The following PCDHGA9 variants were observed in gnomAD, a reference collection of about 807,000 sequenced individuals.
PCDHGA9 encodes the protein protocadherin gamma subfamily A, 9, also known as protocadherin gamma-A9.
In PCDHGA9, 37 loss-of-function variants were observed where a neutral mutation model predicts 62.5. The observed-to-expected ratio is 0.59, with a 90% CI of 0.46 to 0.78. PCDHGA9 has a LOEUF of 0.78. Among genes scored for constraint, PCDHGA9 ranks in the 30% least tolerant of loss-of-function variants. PCDHGA9 has a pLI of 0.00. For synonymous variants in PCDHGA9, 459 were observed against 484.6 expected, an observed-to-expected ratio of 0.95 and a Z score of 0.69; for missense variants, 1,138 against 1,166.2, an observed-to-expected ratio of 0.98 and a Z score of 0.35.
intron 1 of PCDHGA9, among the ~76,000 whole-genome samples, chr5:141,483,907 C>T (rs545585133): frequency 6.0e-5 from 9 of 151,124 alleles, no homozygotes; most frequent in Non-Finnish European, 1.0e-4. Flanking sequence ...TGGTGTGTTT[C>T]CCACTCAGAT....
intron 1 of PCDHGA9, among the ~76,000 whole-genome samples, chr5:141,474,089 CAAACAACAACAA>C (rs985204397): frequency 3.3e-5 from 5 of 152,116 alleles, no homozygotes; most frequent in Admixed American, 2.0e-4. Flanking sequence ...AACCAAAAAA[CAAACAACAACAA>C]AAACAACAAC....
At chr5:141,423,008 C>A in intron 1 of PCDHGA9, 13 of 1,614,214 alleles carry the variant, frequency 8.1e-6, no homozygotes, top group Non-Finnish European at 1.1e-5. Flanking sequence ...AAGGTGGTTG[C>A]GGTGGACAAA....
chr5:141,422,795 A>G lies in PCDHGA9; in HGVS notation c.2424+17419A>G, dbSNP rs543001807. ...CTCTATGCCCTACAATCCTTCGACTATGAGCAGTTTCGAGACTTAGAACTG... is the reference window on the plus strand; with the variant it reads ...CTCTATGCCCTACAATCCTTCGACTGTGAGCAGTTTCGAGACTTAGAACTG... On this transcript the variant is annotated intron_variant, in intron 1 of 3. Transcript: ENST00000573521. 14 of 1,614,198 alleles carry G rather than the reference A, an allele frequency of 8.7e-6. No homozygotes were observed. In the East Asian group the frequency reaches 1.8e-4, roughly 21 times the overall value.
At position 141,491,502 on chromosome 5, in the gene PCDHGA9, C is replaced by G. The variant is rs751961360; in HGVS notation, c.2425-3305C>G. 1.4e-5 allele frequency: 23 copies of G among 1,614,080 alleles called. No homozygotes were observed. Among genetic ancestry groups the G allele is most frequent in the Non-Finnish European group, 1.8e-5 (21 of 1,180,006 alleles). ...GCCCCAACCTGCAGGTGAGCTCGGA[C>G]GGCACGCTCAAGTACATGGAGGTGA... On this transcript the variant is annotated intron_variant, in intron 1 of 3. Coordinates refer to ENST00000573521, the MANE Select transcript of PCDHGA9 (RefSeq NM_018921.3). This position sits in a 1 kb window ranked among gnomAD's most constrained non-coding sequence, Gnocchi z 6.9.
intron 1 of PCDHGA9, chr5:141,412,862 T>A (rs957973834): frequency 7.5e-5 from 18 of 241,156 alleles, no homozygotes; most frequent in African/African-American, 3.4e-4. Context: ...AAAGAATCTA[T>A]GTAAAATATA....
intron 2 of PCDHGA9, among the ~76,000 whole-genome samples, chr5:141,501,290 TACACACACACACACACACACACAC>T (rs55762287): frequency 7.3e-6 from 1 of 136,162 alleles, no homozygotes; most frequent in African/African-American, 2.7e-5. Flanking sequence ...TATTCCCTTA[TACACACACACACACACACACACAC>T]ACACACACAC....
chr5:141,427,319 G>T (rs1184530487), intron 1 of PCDHGA9: 4 of 456,958 alleles, frequency 8.8e-6, no homozygotes, highest in African/African-American at 8.0e-5. Flanking sequence ...CCCCAGACGT[G>T]GTTTTTACTT....
At position 141,407,135 on chromosome 5, in the gene PCDHGA9, G is replaced by GA. The variant is rs796659459; in HGVS notation, c.2424+1767dup. The stretch of plus-strand genomic sequence containing the variant: ...TGGGTTTCAGTTGCTTTATTTTTAA[G>GA]AAAAAAAAGCTGAAGTGTCTGGGAA... On this transcript the variant is annotated intron_variant, in intron 1 of 3. Coordinates refer to ENST00000573521, the MANE Select transcript of PCDHGA9 (RefSeq NM_018921.3). 3.3e-5 allele frequency among the ~76,000 whole-genome samples: 5 copies of GA among 151,810 alleles called. No homozygotes were observed. In the South Asian group the frequency reaches 6.2e-4, roughly 19 times the overall value.
chr5:141,476,770 C>T lies in PCDHGA9; in HGVS notation c.2425-18037C>T, dbSNP rs1452363016. 6.2e-7 allele frequency: 1 copy of T among 1,613,568 alleles called. No homozygotes were observed. The highest frequency in any genetic ancestry group is 8.5e-7 in the Non-Finnish European group (1 of 1,180,020). ...TCCAGTTAGTGCTGACGGCGTTGGA[C>T]GGAGGGACCCCAGCTCTCTCCGCCA... On this transcript the variant is annotated intron_variant, in intron 1 of 3. Coordinates refer to ENST00000573521, the MANE Select transcript of PCDHGA9 (RefSeq NM_018921.3). This position sits in a 1 kb window ranked among gnomAD's most constrained non-coding sequence, Gnocchi z 7.6.
At chr5:141,458,028 G>A (rs1363025110) in intron 1 of PCDHGA9, among the ~76,000 whole-genome samples, 2 of 152,122 alleles carry the variant, frequency 1.3e-5, no homozygotes, top group African/African-American at 4.8e-5. Flanking sequence ...ATTGTGTTCT[G>A]TTGACAAAGA....
In PCDHGA9 at chr5:141,403,715, G is replaced by A; in HGVS notation, c.763G>A (p.Val255Met). Residue 255 changes from valine to methionine, a missense_variant, in exon 1 of 4, where the codon GTG (valine) becomes ATG (methionine). Val to Met is a conservative substitution (Grantham distance 21). Coordinates refer to ENST00000573521, the MANE Select transcript of PCDHGA9 (RefSeq NM_018921.3). The stretch of plus-strand genomic sequence containing the variant: ...TTACCGAGTTAAAGTCCTTGAGAAC[G>A]TGCCCCCAGGCACCTGGCTGCTTAC... Reference protein sequence around the residue: ...RIYRVKVLENVPPGTWLLTAT... With the variant: ...RIYRVKVLENMPPGTWLLTAT... 3 of 1,613,898 alleles carry A rather than the reference G, an allele frequency of 1.9e-6. No homozygotes were observed. The highest frequency in any genetic ancestry group is 2.5e-6 in the Non-Finnish European group (3 of 1,179,894).
chr5:141,446,639 G>C (rs1461520959), intron 1 of PCDHGA9, among the ~76,000 whole-genome samples: 1 of 152,116 alleles, frequency 6.6e-6, no homozygotes, highest in Non-Finnish European at 1.5e-5. Context: ...ACCACGCCTG[G>C]CTAATTTTTG....
intron 1 of PCDHGA9, chr5:141,478,871 T>C: frequency 2.4e-6 from 3 of 1,274,796 alleles, no homozygotes; most frequent in Non-Finnish European, 3.1e-6. Flanking sequence ...GCGATCAGAG[T>C]TTAGCTTGGT....
chr5:141,412,183 C>A (rs1243084028), intron 1 of PCDHGA9: 1 of 152,188 alleles, frequency 6.6e-6, no homozygotes, highest in African/African-American at 2.4e-5. Context: ...GGTATTAATG[C>A]TCTGATGAAA....
chr5:141,422,836 G>A, intron 1 of PCDHGA9: 1 of 1,614,250 alleles, frequency 6.2e-7, no homozygotes, highest in Middle Eastern at 1.6e-4. Flanking sequence ...GATAGCACGT[G>A]ACAGCGGGGA....
chr5:141,451,565 C>A (rs1336048717), intron 1 of PCDHGA9, among the ~76,000 whole-genome samples: 2 of 152,062 alleles, frequency 1.3e-5, no homozygotes, highest in South Asian at 2.1e-4. Flanking sequence ...AAGCCACAAT[C>A]TTTTTATAAA....
chr5:141,436,962 C>A (rs1462988296), intron 1 of PCDHGA9, among the ~76,000 whole-genome samples: 1 of 152,144 alleles, frequency 6.6e-6, no homozygotes, highest in Non-Finnish European at 1.5e-5. Context: ...AAACAAGGAT[C>A]TTGTGAAACT....
At chr5:141,454,838 C>G (rs1472341694) in intron 1 of PCDHGA9, among the ~76,000 whole-genome samples, 1 of 100,816 alleles carries the variant, frequency 9.9e-6, no homozygotes, top group South Asian at 3.5e-4. Flanking sequence ...GACAGAGTCG[C>G]GCTCTGTCAC....
chr5:141,502,242 CT>C (rs989546500), intron 2 of PCDHGA9, among the ~76,000 whole-genome samples: 27 of 151,950 alleles, frequency 1.8e-4, no homozygotes, highest in African/African-American at 6.3e-4. Context: ...TTCTTTTATC[CT>C]TTTTTTTAAT....
Sources: allele counts gnomAD v4.1 joint callset (sites outside exome capture counted in the v4.1 genomes callset), GRCh38; gene constraint gnomAD v4.1.1; non-coding constraint Gnocchi (gnomAD v3.1); transcripts MANE v1.5; gene names NCBI Gene and HGNC (gene_info 2026-07-23, HGNC 2026-07-21).